The following CEP128 variants were observed in gnomAD, a reference collection of about 807,000 sequenced individuals.
CEP128 encodes the protein centrosomal protein 128kDa.
A neutral mutation model predicts 156.7 loss-of-function variants in CEP128; 132 were observed. The observed-to-expected ratio is 0.84, with a 90% CI of 0.73 to 0.97. The LOEUF is 0.97. CEP128 is among the 50% of genes least tolerant of loss of function. CEP128 has a pLI of 0.00. For synonymous variants in CEP128, 469 were observed against 448.9 expected (o/e 1.04, Z -0.57); for missense variants, 1,252 against 1,281.9 (o/e 0.98, Z 0.36).
intron 19 of CEP128, among the ~76,000 whole-genome samples, chr14:80,666,947 A>G (rs1802920628): frequency 6.6e-6 from 1 of 152,146 alleles, no homozygotes; most frequent in Admixed American, 6.6e-5. Flanking sequence ...CTTTGTTTCA[A>G]AAACACACCA....
At chr14:80,484,296 T>C (rs1887113508) in intron 14 of CEP128, among the ~76,000 whole-genome samples, 2 of 152,182 alleles carry the variant, frequency 1.3e-5, no homozygotes, top group Non-Finnish European at 2.9e-5. Flanking sequence ...TTCTTATTTA[T>C]ACAAATTTTT....
intron 21 of CEP128, among the ~76,000 whole-genome samples, chr14:80,539,378 A>G (rs1163231375): frequency 6.6e-6 from 1 of 152,200 alleles, no homozygotes; most frequent in Non-Finnish European, 1.5e-5. Context: ...GCGGGAAGTC[A>G]GGGACCTCGA....
At chr14:80,610,655 G>T (rs575128469) in intron 19 of CEP128, among the ~76,000 whole-genome samples, 1 of 152,122 alleles carries the variant, frequency 6.6e-6, no homozygotes, top group South Asian at 2.1e-4. Flanking sequence ...TTAACAATCC[G>T]TGTACTCTTT....
At chr14:80,708,401 T>C (rs1566869423) in intron 19 of CEP128, among the ~76,000 whole-genome samples, 1 of 152,170 alleles carries the variant, frequency 6.6e-6, no homozygotes, top group Non-Finnish European at 1.5e-5. Context: ...GATTTTTTAA[T>C]AAGTTGTTTA....
chr14:80,555,485 T>TATGTGTGG (rs1404209570), intron 21 of CEP128, among the ~76,000 whole-genome samples: 5 of 152,154 alleles, frequency 3.3e-5, no homozygotes, highest in Admixed American at 2.6e-4. Context: ...AGTGCCTATA[T>TATGTGTGG]ATGTGTGGTT....
chr14:80,580,413 T>G lies in CEP128; in HGVS notation c.2817A>C (p.Glu939Asp). Residue 939 changes from glutamate (E) to aspartate (D), a missense_variant, in exon 20 of 25, where the codon GAA becomes GAC. By Grantham distance (45) the Glu-to-Asp change is conservative. Coordinates refer to ENST00000555265, the MANE Select transcript of CEP128 (RefSeq NM_152446.5). Reference protein sequence around the residue: ...EIHREKRDLLEETQRKDEEMG... With the variant: ...EIHREKRDLLDETQRKDEEMG... ...TTTCTTCATCTTTTCTTTGGGTCTCTTCCAGTAGATCTGTAATAAGAAAGT... is the reference window on the plus strand; with the variant it reads ...TTTCTTCATCTTTTCTTTGGGTCTCGTCCAGTAGATCTGTAATAAGAAAGT... 6.3e-7 allele frequency: 1 copy of G among 1,596,482 alleles called. No homozygotes were observed. The highest frequency in any genetic ancestry group is 1.1e-5 in the South Asian group (1 of 89,504).
chr14:80,860,863 C>T lies in CEP128; in HGVS notation c.762+1894G>A, dbSNP rs147778396. 5.3e-4 allele frequency among the ~76,000 whole-genome samples: 80 copies of T among 152,022 alleles called. No individual in the cohort carries two copies. In the Middle Eastern group the frequency reaches 0.018, roughly 33 times the overall value. ...AAATCTGTCGATTAATAAAGATTAA[C>T]GATCTACAAGCACACATAAGTGTAT... On this transcript the variant is annotated intron_variant, in intron 9 of 24. Transcript: ENST00000555265.
intron 2 of CEP128, among the ~76,000 whole-genome samples, chr14:80,934,622 T>C (rs1422012691): frequency 1.8e-4 from 28 of 152,212 alleles, no homozygotes; most frequent in Admixed American, 1.8e-3. Flanking sequence ...GCATAGTGTC[T>C]GAGTGTCCGG....
downstream of CEP128, among the ~76,000 whole-genome samples, chr14:80,486,927 A>C (rs1425209593): frequency 6.6e-6 from 1 of 152,182 alleles, no homozygotes; most frequent in African/African-American, 2.4e-5. Context: ...ACACATGCAA[A>C]AATGTAAAGA....
At chr14:80,695,842 G>A (rs1341876918) in intron 19 of CEP128, among the ~76,000 whole-genome samples, 2 of 151,922 alleles carry the variant, frequency 1.3e-5, no homozygotes, top group Non-Finnish European at 2.9e-5. Flanking sequence ...AAGACTTAAA[G>A]GTATATATAA....
intron 12 of CEP128, 58 bp downstream of exon 12, chr14:80,836,147 A>T (rs1595476061): frequency 1.3e-6 from 2 of 1,556,588 alleles, no homozygotes; most frequent in East Asian, 4.5e-5. Flanking sequence ...ATTTTCTAAG[A>T]AAAACCAAAA....
intron 12 of CEP128, among the ~76,000 whole-genome samples, chr14:80,832,862 A>C (rs959250294): frequency 6.6e-6 from 1 of 152,200 alleles, no homozygotes; most frequent in Non-Finnish European, 1.5e-5. Flanking sequence ...GGAAACTTAG[A>C]AGAATTTATC....
chr14:80,777,891 T>C lies in CEP128; in HGVS notation c.2367A>G (p.Leu789=), dbSNP rs1159728955. The C allele has an allele frequency of 1.9e-6, 3 of 1,600,322 alleles. No homozygotes were observed. The African/African-American group carries it at 4.0e-5, about 21-fold the overall frequency. Residue 789 remains leucine (L), a synonymous_variant, in exon 16 of 25, where the codon CTA becomes CTG. Coordinates refer to ENST00000555265, the MANE Select transcript of CEP128 (RefSeq NM_152446.5). ...TCACTCATATTTTTACCCTTTCTTC[T>C]AGTTGATCCTTCAAACATTGATATT... ...KLKYQCLKDQ[L]EEREKHISIE...
chr14:80,782,329 CT>C (rs1392728405), intron 15 of CEP128, among the ~76,000 whole-genome samples: 3 of 152,222 alleles, frequency 2.0e-5, no homozygotes, highest in Non-Finnish European at 4.4e-5. Context: ...TAGACCTCAA[CT>C]CTGAAAATTC....
intron 19 of CEP128, among the ~76,000 whole-genome samples, chr14:80,620,125 T>TA (rs1327986097): frequency 6.6e-6 from 1 of 151,650 alleles, no homozygotes; most frequent in Non-Finnish European, 1.5e-5. Context: ...AACTCCGTCT[T>TA]AAAAAAACAA....
intron 21 of CEP128, among the ~76,000 whole-genome samples, chr14:80,550,795 T>C (rs182209935): frequency 7.0e-6 from 1 of 142,344 alleles, no homozygotes; most frequent in Non-Finnish European, 1.5e-5. Flanking sequence ...TTGAGAAAGA[T>C]TATTAAATGT....
intron 19 of CEP128, among the ~76,000 whole-genome samples, chr14:80,629,237 G>A (rs933801007): frequency 1.3e-5 from 2 of 152,112 alleles, no homozygotes; most frequent in Non-Finnish European, 2.9e-5. Context: ...TGTGAGTTGT[G>A]TGGTCTTTGA....
chr14:80,665,513 C>A (rs987975712), intron 19 of CEP128, among the ~76,000 whole-genome samples: 2 of 152,302 alleles, frequency 1.3e-5, no homozygotes, highest in Admixed American at 1.3e-4. Context: ...ACCACACATA[C>A]ATTTTTAGCC....
At chr14:80,701,412 GGCA>G (rs769415411) in intron 19 of CEP128, among the ~76,000 whole-genome samples, 1 of 152,112 alleles carries the variant, frequency 6.6e-6, no homozygotes, top group Non-Finnish European at 1.5e-5. Flanking sequence ...CAAGATGAAA[GGCA>G]GCAGATGTCA....
Sources: allele counts gnomAD v4.1 joint callset (sites outside exome capture counted in the v4.1 genomes callset), GRCh38; gene constraint gnomAD v4.1.1; transcripts MANE v1.5; gene names NCBI Gene and HGNC (gene_info 2026-07-23, HGNC 2026-07-21).